Variants in NPEPPS observed in about 807,000 individuals in gnomAD.
The protein encoded by NPEPPS is puromycin-sensitive aminopeptidase.
A neutral mutation model predicts 115.5 loss-of-function variants in NPEPPS; 14 were observed. That is an observed-to-expected ratio of 0.12 (90% confidence interval 0.08 to 0.19). The LOEUF is 0.19. NPEPPS is among the 10% of genes least tolerant of loss of function. NPEPPS has a pLI of 1.00. For synonymous variants in NPEPPS, 285 were observed against 390.6 expected, an observed-to-expected ratio of 0.73 and a Z score of 3.19; for missense variants, 523 against 1,110.8, an observed-to-expected ratio of 0.47 and a Z score of 7.52.
At chr17:47,614,220 C>A (rs552573170) in intron 19 of NPEPPS, among the ~76,000 whole-genome samples, 2 of 152,286 alleles carry the variant, frequency 1.3e-5, no homozygotes, top group East Asian at 3.9e-4. Context: ...ACACCCACCT[C>A]AGCCTCCCAA....
chr17:47,587,019 A>G (rs1912233060), intron 8 of NPEPPS: 1 of 474,818 alleles, frequency 2.1e-6, no homozygotes, highest in East Asian at 4.0e-5. Context: ...TGATAATTAA[A>G]CTTGTGTCAC....
chr17:47,529,916 C>A (rs1907608873), upstream of NPEPPS, among the ~76,000 whole-genome samples: 2 of 118,052 alleles, frequency 1.7e-5, no homozygotes, highest in Admixed American at 1.0e-4. Context: ...TGAAACATCC[C>A]ATTTTATTTA....
chr17:47,592,945 C>T (rs899840070), intron 12 of NPEPPS, among the ~76,000 whole-genome samples: 4 of 152,216 alleles, frequency 2.6e-5, no homozygotes, highest in African/African-American at 7.2e-5. Flanking sequence ...TGATGTTCCC[C>T]GCCCTGTGTT....
chr17:47,553,719 T>C (rs1379161200), intron 2 of NPEPPS, among the ~76,000 whole-genome samples: 2 of 151,890 alleles, frequency 1.3e-5, no homozygotes, highest in South Asian at 2.1e-4. Context: ...AACAATATAC[T>C]GTAATAAAAG....
intron 18 of NPEPPS, among the ~76,000 whole-genome samples, chr17:47,612,852 G>A (rs1424746415): frequency 1.3e-5 from 2 of 151,912 alleles, no homozygotes; most frequent in Admixed American, 6.6e-5. Flanking sequence ...CAGTAGAGAC[G>A]AGGTTTCGCC....
chr17:47,544,894 G>A (rs1264323697), intron 1 of NPEPPS, among the ~76,000 whole-genome samples: 2 of 148,984 alleles, frequency 1.3e-5, no homozygotes. Context: ...TAGTAGAGAT[G>A]GGGTTACACC....
intron 2 of NPEPPS, among the ~76,000 whole-genome samples, chr17:47,552,555 A>C (rs1909725281): frequency 6.6e-6 from 1 of 152,206 alleles, no homozygotes; most frequent in African/African-American, 2.4e-5. Context: ...GTAGGTTTCC[A>C]TATGGCTATA....
intron 19 of NPEPPS, among the ~76,000 whole-genome samples, 195 bp from the exon 20 acceptor site, chr17:47,618,155 A>G (rs1396015601): frequency 6.6e-6 from 1 of 151,992 alleles, no homozygotes; most frequent in Non-Finnish European, 1.5e-5. Context: ...TGCTGGGATT[A>G]CAGGTGTGAA....
intron 1 of NPEPPS, among the ~76,000 whole-genome samples, chr17:47,543,441 C>G (rs545770031): frequency 2.0e-5 from 3 of 150,928 alleles, no homozygotes; most frequent in African/African-American, 7.3e-5. Flanking sequence ...CTTCAGCCTT[C>G]CAAGTAGCTG....
rs552835713 is a variant in NPEPPS, at chr17:47,591,672, C to G, written c.1261-284C>G. 6.9e-5 allele frequency: 20 copies of G among 290,034 alleles called. No homozygotes were observed. In the South Asian group the frequency reaches 1.6e-3, roughly 23 times the overall value. The allele number at this position is 290,034 out of a possible 1,614,324, so 18.0% of individuals were successfully genotyped here. ...TCACCTCCATATCTTCCTCATCACT[C>G]CTCTGCAACTACCCCAAAAATAAAC... On this transcript the variant is annotated intron_variant, in intron 10 of 22. Transcript: ENST00000322157.
intron 17 of NPEPPS, among the ~76,000 whole-genome samples, chr17:47,605,804 G>T (rs936609231): frequency 6.6e-6 from 1 of 152,200 alleles, no homozygotes; most frequent in South Asian, 2.1e-4. Flanking sequence ...GTCTTTTGCA[G>T]AATTCCAAAG....
At chr17:47,599,857 G>A (rs902864844) in intron 14 of NPEPPS, 118 bp downstream of exon 14, 84 of 813,046 alleles carry the variant, frequency 1.0e-4, no homozygotes, top group African/African-American at 6.5e-4. Context: ...TCACTCTGTC[G>A]CCCAGGCTCG....
At chr17:47,537,486 G>GT (rs1367822436) in intron 1 of NPEPPS, among the ~76,000 whole-genome samples, 1 of 152,126 alleles carries the variant, frequency 6.6e-6, no homozygotes, top group Non-Finnish European at 1.5e-5. Flanking sequence ...GAGGTCAGAA[G>GT]TTTGAGACCA....
intron 2 of NPEPPS, among the ~76,000 whole-genome samples, chr17:47,562,954 A>AT (rs964826467): frequency 6.6e-6 from 1 of 150,398 alleles, no homozygotes; most frequent in African/African-American, 2.4e-5. Flanking sequence ...GAGTTGGAGC[A>AT]TTTTTTCCCC....
At chr17:47,574,576 A>G (rs2169142) in intron 3 of NPEPPS, among the ~76,000 whole-genome samples, 5 of 152,278 alleles carry the variant, frequency 3.3e-5, no homozygotes, top group African/African-American at 1.2e-4. Context: ...AATTTATTTA[A>G]TCCTTTCAAC....
chr17:47,533,084 A>G (rs769953170), intron 1 of NPEPPS, among the ~76,000 whole-genome samples: 10 of 152,164 alleles, frequency 6.6e-5, no homozygotes, highest in Non-Finnish European at 1.3e-4. Context: ...TTGTCTTTGA[A>G]AAACCAAGAG....
intron 2 of NPEPPS, 48 bp downstream of exon 2, chr17:47,546,041 G>GT (rs1567839641): frequency 7.7e-7 from 1 of 1,303,812 alleles, no homozygotes; most frequent in Non-Finnish European, 1.0e-6. Flanking sequence ...GTGCATATGT[G>GT]GGGTGTGTGT....
intron 3 of NPEPPS, among the ~76,000 whole-genome samples, chr17:47,579,040 G>A (rs1911703513): frequency 6.6e-6 from 1 of 152,130 alleles, no homozygotes; most frequent in Non-Finnish European, 1.5e-5. Context: ...TTTATAAATA[G>A]TTATATATAT....
intron 3 of NPEPPS, among the ~76,000 whole-genome samples, chr17:47,569,851 T>A (rs1203875789): frequency 6.6e-6 from 1 of 152,160 alleles, no homozygotes. Context: ...ACTCCTGATC[T>A]CAAGCGATCT....
Sources: gnomAD v4.1 joint callset for allele counts (sites outside exome capture counted in the v4.1 genomes callset) on GRCh38, gnomAD v4.1.1 for gene constraint, MANE v1.5 for transcripts, NCBI Gene and HGNC (gene_info 2026-07-23, HGNC 2026-07-21) for gene names.